The following ZNF607 variants were observed in gnomAD, a reference collection of about 807,000 sequenced individuals.
ZNF607 encodes zinc finger protein 607.
In ZNF607, 5 loss-of-function variants were observed where a neutral mutation model predicts 12.8. That is an observed-to-expected ratio of 0.39 (90% CI 0.20 to 0.82). The LOEUF (loss-of-function observed/expected upper bound fraction) is 0.82. ZNF607 is among the 40% of genes least tolerant of loss of function. ZNF607 has a pLI of 0.39. For missense variants in ZNF607, 851 were observed against 859.2 expected (o/e 0.99, Z 0.12); for synonymous variants, 287 against 276.2 (o/e 1.04, Z -0.39).
chr19:37,713,602 C>T (rs1289749012), intron 1 of ZNF607, among the ~76,000 whole-genome samples: 1 of 151,718 alleles, frequency 6.6e-6, no homozygotes, highest in African/African-American at 2.4e-5. Context: ...ACCATACCCA[C>T]CTAATTTTTG....
intron 4 of ZNF607, chr19:37,706,697 A>AC (rs1555734776): frequency 3.3e-5 from 5 of 149,416 alleles, no homozygotes; most frequent in South Asian, 2.1e-4. Context: ...GAATTTCTTA[A>AC]TTTTTTTTTT....
chr19:37,712,505 T>C (rs1179380605), intron 1 of ZNF607, among the ~76,000 whole-genome samples: 2 of 152,150 alleles, frequency 1.3e-5, no homozygotes, highest in South Asian at 2.1e-4. Flanking sequence ...AGCAAGACTC[T>C]GTCTCCAAGA....
At chr19:37,717,507 G>A (rs1186452225) in intron 1 of ZNF607, among the ~76,000 whole-genome samples, 3 of 151,514 alleles carry the variant, frequency 2.0e-5, no homozygotes, top group African/African-American at 7.3e-5. Flanking sequence ...TTTAAAAAAT[G>A]AGCTGCGGCT....
rs770844827 is a variant in ZNF607 at position 37,698,837 on chromosome 19, G to C, written c.1294C>G (p.Gln432Glu). Reference sequence around the variant, plus strand: ...TTATGATGGGCAAGGTGTGCACGCTGACTGAAGGCCTTCCCACATTCCTTA... The same window carrying C: ...TTATGATGGGCAAGGTGTGCACGCTCACTGAAGGCCTTCCCACATTCCTTA... ...KCKECGKAFS[Q>E]RAHLAHHNRI... The change falls in exon 5 of 5, where the codon CAG becomes GAG. Residue 432 changes from glutamine to glutamate, a missense_variant. Coordinates refer to ENST00000355202, the MANE Select transcript of ZNF607 (RefSeq NM_032689.5). 8.7e-6 allele frequency: 14 copies of C among 1,609,632 alleles called. No homozygotes were observed. Among genetic ancestry groups the C allele is most frequent in the Non-Finnish European group, 9.3e-6 (11 of 1,178,692 alleles).
chr19:37,698,269 CT>C lies in ZNF607; in HGVS notation c.1861del (p.Arg621AspfsTer103), dbSNP rs776818268. On this transcript the variant is annotated frameshift_variant, in exon 5 of 5. Transcript: ENST00000355202. LOFTEE classifies it low-confidence loss of function (END_TRUNC). ...GGCACAGTGAAATGCCTTCCCACAT[CT>C]TTTACATTCATAGGGTTTATCACTG... Reference protein sequence around the residue: ...HTSDKPYECKRCGKAFHCASY... With the variant: ...HTSDKPYECKXCGKAFHCASY... The C allele has an allele frequency of 2.5e-6, 4 of 1,613,638 alleles. 1 individual carries two copies. In the South Asian group the frequency reaches 4.4e-5, roughly 18 times the overall value.
At chr19:37,710,639 T>C (rs2045125770) in intron 2 of ZNF607, among the ~76,000 whole-genome samples, 1 of 152,120 alleles carries the variant, frequency 6.6e-6, no homozygotes, top group Non-Finnish European at 1.5e-5. Flanking sequence ...CAAATAAAAC[T>C]TTCTGCCTGT....
chr19:37,710,658 A>C (rs1257271422), intron 2 of ZNF607, among the ~76,000 whole-genome samples: 1 of 152,174 alleles, frequency 6.6e-6, no homozygotes, highest in Non-Finnish European at 1.5e-5. Flanking sequence ...GTTCTGGGAC[A>C]CTTCTTAGGT....
chr19:37,706,678 A>AC (rs34197204), intron 4 of ZNF607: 112,455 of 151,692 alleles, frequency 0.74, 42,420 homozygotes, highest in Middle Eastern at 0.83. Context: ...TCGCGTTGTA[A>AC]CTTGACAAGA....
rs574159458 is a variant in ZNF607 at position 37,698,419 on chromosome 19, C to T, written c.1712G>A (p.Arg571His). ...ATGATATATGAGGCTTGTGGCATGA[C>T]GAAAGGCCTTGCCACATTCCTTACA... The part of the protein sequence containing the change: ...YECKECGKAF[R>H]HATSLIYHDR... Residue 571 changes from arginine to histidine, a missense_variant, in exon 5 of 5, where the codon CGT becomes CAT. Coordinates refer to ENST00000355202, the MANE Select transcript of ZNF607 (RefSeq NM_032689.5). The T allele has an allele frequency of 2.5e-5, 41 of 1,614,120 alleles. No individual in the cohort carries two copies. The highest frequency in any genetic ancestry group is 6.7e-5 in the Admixed American group (4 of 60,018).
At position 37,696,673 on chromosome 19, in the gene ZNF607, C is replaced by T. The variant is rs575713604; in HGVS notation, c.*1367G>A. The T allele has an allele frequency of 1.1e-4, 78 of 707,356 alleles. 3 individuals are homozygous for T. The highest frequency in any genetic ancestry group is 1.0e-3 in the South Asian group (67 of 66,952). The allele number at this position is 707,356 out of a possible 1,614,324, so 43.8% of individuals were successfully genotyped here. ...CCCTGCCGGCAGGCAGGTGATGTTC[C>T]GAGAGCATGAGAGCTGGTATGCAAT... On this transcript the variant is annotated 3_prime_UTR_variant, in exon 5 of 5. Transcript: ENST00000355202.
Position 37,714,278 on chromosome 19 carries a change from C to T in ZNF607, c.-74-2586G>A, listed in dbSNP as rs144450510. Among the ~76,000 whole-genome samples, 427 of 150,226 alleles carry T rather than the reference C, an allele frequency of 2.8e-3. 3 individuals are homozygous for T. Among genetic ancestry groups the T allele is most frequent in the African/African-American group, 1.0e-2 (408 of 40,820 alleles). On this transcript the variant is annotated intron_variant, in intron 1 of 4. Transcript: ENST00000355202. ...CGGAGCTTGCAGTGAGCCAAGATCG[C>T]GCCACTGCACTCCAGAGCAAGACTC...
At chr19:37,714,563 CAAAAAA>C (rs56081124) in intron 1 of ZNF607, among the ~76,000 whole-genome samples, 2 of 108,262 alleles carry the variant, frequency 1.8e-5, no homozygotes, top group Non-Finnish European at 3.6e-5. Context: ...GACCCCATCT[CAAAAAA>C]AAAAAAAAAA....
At position 37,699,349 on chromosome 19, in the gene ZNF607, G is replaced by T. The variant is rs759474501; in HGVS notation, c.782C>A (p.Ser261Tyr). Residue 261 changes from serine (S) to tyrosine (Y), a missense_variant, in exon 5 of 5, where the codon TCC becomes TAC. By Grantham distance (144) the Ser-to-Tyr change is moderately radical. Coordinates refer to ENST00000355202, the MANE Select transcript of ZNF607 (RefSeq NM_032689.5). ...TTTAAGGCCTGCTTTGAGCCTAAAG[G>T]ACTTCCCACATTTGTTACATTCAAA... Reference protein sequence around the residue: ...KPFECNKCGKSFRLKAGLKVH... With the variant: ...KPFECNKCGKYFRLKAGLKVH... The T allele has an allele frequency of 5.6e-6, 9 of 1,613,974 alleles. No individual in the cohort carries two copies. In the South Asian group the frequency reaches 9.9e-5, roughly 18 times the overall value.
chr19:37,710,477 A>AAAAAAAAG (rs1555735219), intron 2 of ZNF607, among the ~76,000 whole-genome samples: 1 of 142,398 alleles, frequency 7.0e-6, no homozygotes. Context: ...AAAAAAAAAA[A>AAAAAAAAG]AAAAGAAAAG....
At chr19:37,705,241 GTAT>G (rs1355814142) in intron 4 of ZNF607, among the ~76,000 whole-genome samples, 1 of 152,126 alleles carries the variant, frequency 6.6e-6, no homozygotes, top group African/African-American at 2.4e-5. Context: ...AAATCATAAA[GTAT>G]TATGAACAAC....
In ZNF607 at chr19:37,697,359, G is replaced by C; in HGVS notation, c.*681C>G. On this transcript the variant is annotated 3_prime_UTR_variant, in exon 5 of 5. Coordinates refer to ENST00000355202, the MANE Select transcript of ZNF607 (RefSeq NM_032689.5). The stretch of plus-strand genomic sequence containing the variant: ...CACCATGCCTCCTGCAACAGCTAAG[G>C]CCAGGCCAAACTTGCCGATGGACTC... 2.6e-6 allele frequency: 4 copies of C among 1,516,090 alleles called. No individual in the cohort carries two copies. The Admixed American group carries it at 6.8e-5, about 26-fold the overall frequency. The allele number at this position is 1,516,090 out of a possible 1,614,324, so 93.9% of individuals were successfully genotyped here.
chr19:37,699,863 C>T lies in ZNF607; in HGVS notation c.268G>A (p.Gly90Arg). 1 of 1,598,936 alleles carries T rather than the reference C, an allele frequency of 6.3e-7. No homozygotes were observed. The highest frequency in any genetic ancestry group is 8.5e-7 in the Non-Finnish European group (1 of 1,173,600). The change falls in exon 5 of 5, where the codon GGG becomes AGG. Residue 90 changes from glycine to arginine, a missense_variant. Gly to Arg is a moderately radical substitution (Grantham distance 125). Transcript: ENST00000355202. ...TGTTTCCTATAAAGCTGCATTTTCC[C>T]ATCGCTGATTATTTCACATCTTGAA... ...LDSRCEIISD[G>R]KMQLYRKHSC...
chr19:37,705,517 T>C (rs2045074120), intron 4 of ZNF607, among the ~76,000 whole-genome samples: 1 of 151,832 alleles, frequency 6.6e-6, no homozygotes, highest in Admixed American at 6.6e-5. Context: ...AGACCCTGTC[T>C]CTACTAAAAA....
Position 37,699,903 on chromosome 19 carries a change from A to T in ZNF607, c.236-8T>A. 6.4e-7 allele frequency: 1 copy of T among 1,551,672 alleles called. No individual in the cohort carries two copies. Among genetic ancestry groups the T allele is most frequent in the Non-Finnish European group, 8.7e-7 (1 of 1,153,814 alleles). On this transcript the variant is annotated splice_region_variant and splice_polypyrimidine_tract_variant and intron_variant, in intron 4 of 4. Coordinates refer to ENST00000355202, the MANE Select transcript of ZNF607 (RefSeq NM_032689.5). ...CACATCTTGAATCCAAATCTAGAAG[A>T]CATAAAATAAAAACATTTTATTGGA...
Sources: gnomAD v4.1 joint callset for allele counts (sites outside exome capture counted in the v4.1 genomes callset) on GRCh38, gnomAD v4.1.1 for gene constraint, MANE v1.5 for transcripts, NCBI Gene and HGNC (gene_info 2026-07-23, HGNC 2026-07-21) for gene names.